The following MAP3K15 variants were observed in gnomAD, a reference collection of about 807,000 sequenced individuals.
The protein encoded by MAP3K15 is MAPK/ERK kinase kinase 15.
MAP3K15 carries 124 observed loss-of-function variants against 99.5 expected under a neutral mutation model. The ratio of observed to expected loss-of-function variants is 1.25; its 90% CI spans 1.08 to 1.45. The LOEUF is 1.45. Ranked by LOEUF, MAP3K15 falls within the 40% of genes most tolerant of loss-of-function variation. The probability of loss-of-function intolerance (pLI) is 0.00; values close to 1 mark genes in which losing one functional copy is unlikely to be tolerated. For missense variants in MAP3K15, 1,242 were observed against 1,079.7 expected, an observed-to-expected ratio of 1.15 and a Z score of -2.11; for synonymous variants, 494 against 439.6, an observed-to-expected ratio of 1.12 and a Z score of -1.55.
At chrX:19,365,258 A>G (rs1192958555) in intron 25 of MAP3K15, among the ~76,000 whole-genome samples, 1 of 111,191 alleles carries the variant, frequency 9.0e-6, no homozygotes, top group African/African-American at 3.3e-5. Flanking sequence ...ACTGTAGTTC[A>G]TAAGACCCCC....
chrX:19,439,263 A>G (rs762561145), intron 6 of MAP3K15, among the ~76,000 whole-genome samples: 1 of 111,858 alleles, frequency 8.9e-6, no homozygotes, highest in South Asian at 3.8e-4. Context: ...GCAGACACCA[A>G]TGCCATGCTT....
In MAP3K15 at chrX:19,450,294, G is replaced by A. The variant is rs111955568; in HGVS notation, c.995+6619C>T. Among the ~76,000 whole-genome samples, 419 of 109,073 alleles carry A rather than the reference G, an allele frequency of 3.8e-3. 3 individuals carry two copies. Among genetic ancestry groups the A allele is most frequent in the African/African-American group, 0.013 (394 of 30,564 alleles). 94.7% of individuals were successfully genotyped at this position (109,073 alleles called of 115,157 possible). ...GAGCCCAGAAAGTCAAGGTTGCAAT[G>A]AGCCATCATCACACCACTGCACTCT... On this transcript the variant is annotated intron_variant, in intron 6 of 28. Coordinates refer to ENST00000338883, the MANE Select transcript of MAP3K15 (RefSeq NM_001001671.4).
At chrX:19,414,053 C>G (rs1219893249) in intron 10 of MAP3K15, among the ~76,000 whole-genome samples, 1 of 106,901 alleles carries the variant, frequency 9.4e-6, no homozygotes, top group African/African-American at 3.4e-5. Flanking sequence ...CCCAGCTACT[C>G]AGGAGGCTGA....
chrX:19,413,355 A>T lies in MAP3K15; in HGVS notation c.1698+2T>A. On this transcript the variant is annotated splice_donor_variant, in intron 11 of 28. Coordinates refer to ENST00000338883, the MANE Select transcript of MAP3K15 (RefSeq NM_001001671.4). LOFTEE classifies it high-confidence loss of function. ...AAATTGCTTGTGATTTTTCCTCCTT[A>T]CCATTTCTGTGGGTGAGACATGCCA... 8.5e-7 allele frequency: 1 copy of T among 1,177,928 alleles called. No individual in the cohort carries two copies. The highest frequency in any genetic ancestry group is 1.8e-5 in the African/African-American group (1 of 56,668).
intron 1 of MAP3K15, among the ~76,000 whole-genome samples, chrX:19,497,941 G>A (rs1292786434): frequency 9.0e-6 from 1 of 111,251 alleles, no homozygotes; most frequent in Admixed American, 9.7e-5. Context: ...CAACCTGCAG[G>A]CATATAAAGC....
At chrX:19,433,653 G>A (rs919659859) in intron 6 of MAP3K15, among the ~76,000 whole-genome samples, 2 of 110,988 alleles carry the variant, frequency 1.8e-5, no homozygotes, top group Non-Finnish European at 3.8e-5. Flanking sequence ...CATCCTATTG[G>A]TTTGTTCCTC....
At chrX:19,400,227 G>A (rs951127330) in intron 14 of MAP3K15, among the ~76,000 whole-genome samples, 15 of 112,089 alleles carry the variant, frequency 1.3e-4, no homozygotes, top group Non-Finnish European at 7.5e-5. Flanking sequence ...TATAACTAAA[G>A]TCATTTTAAG....
chrX:19,468,683 A>G (rs1000141315), intron 3 of MAP3K15, among the ~76,000 whole-genome samples: 1 of 111,758 alleles, frequency 8.9e-6, no homozygotes, highest in Non-Finnish European at 1.9e-5. Context: ...TGGGGATGGC[A>G]TTGAATCTAT....
chrX:19,404,168 G>A (rs1379053681), intron 13 of MAP3K15, among the ~76,000 whole-genome samples: 3 of 111,735 alleles, frequency 2.7e-5, no homozygotes, highest in African/African-American at 9.8e-5. Context: ...CAGCAAGGTT[G>A]TAAGTTACAA....
chrX:19,441,389 A>G (rs766372541), intron 6 of MAP3K15, among the ~76,000 whole-genome samples: 12 of 110,218 alleles, frequency 1.1e-4, no homozygotes, highest in African/African-American at 4.0e-4. Flanking sequence ...GGGGAGGATG[A>G]TGAAAACATT....
chrX:19,374,572 G>C lies in MAP3K15; in HGVS notation c.2678C>G (p.Pro893Arg). ...AFILSCFEPD[P>R]HKRATTAELL... is the part of the protein sequence containing the mutation. ...CTCAGCAGTGGTGGCACGTTTGTGG[G>C]GGTCAGGCTCGAAACAGGATAAAAT... The change falls in exon 20 of 29, where the codon CCC (proline) becomes CGC (arginine). Residue 893 changes from proline to arginine, a missense_variant. Physicochemically the swap from Pro to Arg is moderately radical, Grantham distance 103 (BLOSUM62 -2). Transcript: ENST00000338883. The C allele has an allele frequency of 8.3e-7, 1 of 1,211,493 alleles. No individual in the cohort carries two copies. The highest frequency in any genetic ancestry group is 1.1e-6 in the Non-Finnish European group (1 of 895,327).
chrX:19,474,543 TG>T (rs1491234117), intron 3 of MAP3K15, among the ~76,000 whole-genome samples: 1 of 63,679 alleles, frequency 1.6e-5, no homozygotes, highest in Non-Finnish European at 2.8e-5. Context: ...TCTTGGAGGT[TG>T]GGGGGGGGGG....
intron 4 of MAP3K15, among the ~76,000 whole-genome samples, chrX:19,462,835 A>C (rs1414352697): frequency 2.7e-5 from 3 of 112,183 alleles, no homozygotes; most frequent in African/African-American, 9.7e-5. Context: ...TATAAGCACC[A>C]CTTCCCCTCC....
intron 3 of MAP3K15, among the ~76,000 whole-genome samples, chrX:19,474,742 G>A (rs1017535708): frequency 9.0e-6 from 1 of 111,037 alleles, no homozygotes; most frequent in Non-Finnish European, 1.9e-5. Flanking sequence ...GGAGATCTCA[G>A]AATAACTTTT....
chrX:19,360,257 T>G lies in MAP3K15; in HGVS notation c.*492A>C. ...AGGCACATTCGTATCAGTTTTGTGTTTCTCAAATTGAAGTACCATACCAGT... is the reference window on the plus strand; with the variant it reads ...AGGCACATTCGTATCAGTTTTGTGTGTCTCAAATTGAAGTACCATACCAGT... On this transcript the variant is annotated 3_prime_UTR_variant, in exon 29 of 29. Coordinates refer to ENST00000338883, the MANE Select transcript of MAP3K15 (RefSeq NM_001001671.4). The G allele has an allele frequency of 7.4e-6, 1 of 134,925 alleles. No homozygotes were observed. The highest frequency in any genetic ancestry group is 2.1e-4 in the South Asian group (1 of 4,849). 11.1% of individuals were successfully genotyped at this position (134,925 alleles called of 1,213,427 possible).
At chrX:19,434,513 C>T (rs2063908094) in intron 6 of MAP3K15, among the ~76,000 whole-genome samples, 1 of 110,425 alleles carries the variant, frequency 9.1e-6, no homozygotes, top group Non-Finnish European at 1.9e-5. Flanking sequence ...GCTGGGATTA[C>T]AGGCGTGAGC....
At chrX:19,485,134 C>T (rs1297937823) in intron 3 of MAP3K15, among the ~76,000 whole-genome samples, 9 of 109,396 alleles carry the variant, frequency 8.2e-5, no homozygotes, top group Non-Finnish European at 1.5e-4. Context: ...CATTGGGAAA[C>T]CATGTCTCTA....
intron 1 of MAP3K15, 99 bp downstream of exon 1, chrX:19,514,802 G>T (rs1367921038): frequency 1.6e-5 from 3 of 189,627 alleles, no homozygotes; most frequent in South Asian, 1.8e-4. Flanking sequence ...GGACGAGGGG[G>T]AGGGGGACGG....
intron 6 of MAP3K15, among the ~76,000 whole-genome samples, chrX:19,456,515 T>C (rs190709455): frequency 1.4e-4 from 16 of 112,256 alleles, no homozygotes; most frequent in Admixed American, 1.0e-3. Context: ...TCTGGGGTGA[T>C]GGAAATGTTT....
Sources: gnomAD v4.1 joint callset for allele counts (sites outside exome capture counted in the v4.1 genomes callset) on GRCh38, gnomAD v4.1.1 for gene constraint, MANE v1.5 for transcripts, NCBI Gene and HGNC (gene_info 2026-07-23, HGNC 2026-07-21) for gene names.